PCDHA10: variants seen among roughly 807,000 people sequenced by gnomAD.
PCDHA10 encodes the protein protocadherin alpha-10.
PCDHA10 carries 45 observed loss-of-function variants against 61.2 expected under a neutral mutation model. The observed-to-expected ratio is 0.74, with a 90% CI of 0.58 to 0.94. The LOEUF (loss-of-function observed/expected upper bound fraction) is 0.94. PCDHA10 is among the 40% of genes least tolerant of loss of function. PCDHA10 has a pLI of 0.00. For synonymous variants in PCDHA10, 602 were observed against 548.8 expected (o/e 1.10, Z -1.35); for missense variants, 1,278 against 1,236.2 (o/e 1.03, Z -0.51).
At position 140,857,034 on chromosome 5, in the gene PCDHA10, T is replaced by C. The variant is rs374158544; in HGVS notation, c.986T>C (p.Met329Thr). The change falls in exon 1 of 4, where the codon ATG (methionine) becomes ACG (threonine). Residue 329 changes from methionine to threonine, a missense_variant. Met to Thr is a moderately conservative substitution (Grantham distance 81). Transcript: ENST00000307360. Reference sequence around the variant, plus strand: ...GTTACAGATAAGGGAAACCCACCTATGGTTGGTCACTGCACGGTCCTAGTG... The same window carrying C: ...GTTACAGATAAGGGAAACCCACCTACGGTTGGTCACTGCACGGTCCTAGTG... ...VDVTDKGNPP[M>T]VGHCTVLVEL... The C allele has an allele frequency of 5.6e-6, 9 of 1,595,714 alleles. No homozygotes were observed. The African/African-American group carries it at 8.1e-5, about 14-fold the overall frequency.
intron 1 of PCDHA10, chr5:140,927,446 TG>T: frequency 2.1e-5 from 34 of 1,614,128 alleles, no homozygotes; most frequent in Non-Finnish European, 2.5e-5. Flanking sequence ...TACCCGGAGT[TG>T]GTGTTGGAGA....
At chr5:140,875,769 C>A (rs782227729) in intron 1 of PCDHA10, 1 of 1,614,224 alleles carries the variant, frequency 6.2e-7, no homozygotes, top group South Asian at 1.1e-5. Context: ...GCGGGCGGAG[C>A]GCGGAGTGCA....
chr5:140,968,639 G>C (rs1278507600), intron 1 of PCDHA10: 1 of 1,614,032 alleles, frequency 6.2e-7, no homozygotes, highest in Non-Finnish European at 8.5e-7. Flanking sequence ...TTACCATCTA[G>C]CCCAGACTTC....
At chr5:140,945,131 A>C (rs1484443084) in intron 1 of PCDHA10, among the ~76,000 whole-genome samples, 1 of 152,202 alleles carries the variant, frequency 6.6e-6, no homozygotes, top group Non-Finnish European at 1.5e-5. Context: ...CAACTTACAA[A>C]AATCAATAGC....
chr5:140,928,940 A>G (rs2085663832), intron 1 of PCDHA10: 1 of 1,613,944 alleles, frequency 6.2e-7, no homozygotes. Flanking sequence ...CAGAACTTGT[A>G]TTTAGTAATT....
chr5:140,963,300 TAAG>T (rs1387833703), intron 1 of PCDHA10, among the ~76,000 whole-genome samples: 2 of 152,120 alleles, frequency 1.3e-5, no homozygotes, highest in African/African-American at 4.8e-5. Flanking sequence ...GGAGAGAAAA[TAAG>T]AAGCTGTTTG....
At chr5:140,894,044 T>C (rs2064295340) in intron 1 of PCDHA10, among the ~76,000 whole-genome samples, 1 of 152,190 alleles carries the variant, frequency 6.6e-6, no homozygotes, top group Admixed American at 6.5e-5. Context: ...ATGTAAGTCC[T>C]CTGTTGAATT....
At chr5:140,992,201 CAG>C (rs1587495213) in intron 3 of PCDHA10, among the ~76,000 whole-genome samples, 1 of 152,256 alleles carries the variant, frequency 6.6e-6, no homozygotes, top group East Asian at 1.9e-4. Context: ...TCTATCCAAT[CAG>C]ATAAACTACT....
intron 1 of PCDHA10, chr5:140,870,703 G>A (rs899824906): frequency 1.2e-6 from 2 of 1,612,916 alleles, no homozygotes; most frequent in East Asian, 2.2e-5. Context: ...ACAGTTCCAG[G>A]TGAGCGCGCG....
chr5:140,871,179 G>C (rs374404426), intron 1 of PCDHA10: 44 of 1,613,428 alleles, frequency 2.7e-5, no homozygotes, highest in Non-Finnish European at 3.5e-5. Context: ...AGGCTGCGCT[G>C]GTGGATGTCA....
At chr5:140,980,437 C>G (rs1586844281) in intron 2 of PCDHA10, among the ~76,000 whole-genome samples, 1 of 152,156 alleles carries the variant, frequency 6.6e-6, no homozygotes, top group Admixed American at 6.5e-5. Flanking sequence ...CGAGACCATC[C>G]TGGACAACAC....
chr5:140,985,716 A>G (rs960879186), intron 3 of PCDHA10, among the ~76,000 whole-genome samples: 7 of 113,758 alleles, frequency 6.2e-5, no homozygotes, highest in Admixed American at 2.6e-4. Flanking sequence ...TCTTAAAGTT[A>G]TTTTTCCTTC....
At chr5:140,897,381 T>C (rs1258843270) in intron 1 of PCDHA10, among the ~76,000 whole-genome samples, 1 of 136,686 alleles carries the variant, frequency 7.3e-6, no homozygotes, top group Non-Finnish European at 1.5e-5. Flanking sequence ...CCCTTCCCCT[T>C]CCTGTGTCCA....
intron 1 of PCDHA10, among the ~76,000 whole-genome samples, chr5:140,913,256 T>C (rs1162098506): frequency 6.6e-6 from 1 of 152,208 alleles, no homozygotes; most frequent in East Asian, 1.9e-4. Context: ...ACAACTTTGA[T>C]CTAATTACTT....
chr5:140,889,679 C>A (rs968181758), intron 1 of PCDHA10, among the ~76,000 whole-genome samples: 4 of 152,026 alleles, frequency 2.6e-5, no homozygotes, highest in Admixed American at 6.6e-5. Flanking sequence ...TTATTTTAAA[C>A]CTTTTAGTAT....
intron 1 of PCDHA10, among the ~76,000 whole-genome samples, chr5:140,909,492 C>T (rs955748526): frequency 4.6e-5 from 7 of 152,160 alleles, no homozygotes; most frequent in East Asian, 3.9e-4. Context: ...GAGAGCTGAA[C>T]GGGGATGTGG....
At position 140,877,488 on chromosome 5, in the gene PCDHA10, C is replaced by G. The variant is rs781785108; in HGVS notation, c.2388+19052C>G. ...CGGTGCTGGTGTCGCTGGTGGAGAA[C>G]GGCCAGGCCCCAAAGACGTCGTCGC... On this transcript the variant is annotated intron_variant, in intron 1 of 3. Transcript: ENST00000307360. 6.2e-6 allele frequency: 10 copies of G among 1,613,856 alleles called. No homozygotes were observed. In the South Asian group the frequency reaches 1.1e-4, roughly 18 times the overall value.
At chr5:140,983,178 A>G (rs1302819191) in intron 3 of PCDHA10, among the ~76,000 whole-genome samples, 2 of 152,158 alleles carry the variant, frequency 1.3e-5, no homozygotes, top group Admixed American at 6.5e-5. Context: ...CCGCCTCACA[A>G]TTTCTTAGTT....
At chr5:140,867,198 C>A (rs1286853388) in intron 1 of PCDHA10, 1 of 152,110 alleles carries the variant, frequency 6.6e-6, no homozygotes, top group East Asian at 1.9e-4. Flanking sequence ...ACTCCACATT[C>A]CATGTAACAT....
Sources: allele counts gnomAD v4.1 joint callset (sites outside exome capture counted in the v4.1 genomes callset), GRCh38; gene constraint gnomAD v4.1.1; transcripts MANE v1.5; gene names NCBI Gene and HGNC (gene_info 2026-07-23, HGNC 2026-07-21).